The following JAZF1 variants were observed in gnomAD, a reference collection of about 807,000 sequenced individuals.
JAZF1 encodes JAZF zinc finger 1, also known as juxtaposed with another zinc finger protein 1.
In JAZF1, 8 loss-of-function variants were observed where a neutral mutation model predicts 26.4. That is an observed-to-expected ratio of 0.30 (90% CI 0.18 to 0.55). The LOEUF is 0.55. Among genes scored for constraint, JAZF1 ranks in the 20% least tolerant of loss-of-function variants. The pLI, the probability that JAZF1 is intolerant of heterozygous loss-of-function variation, is 0.94. For synonymous variants in JAZF1, 126 were observed against 122.3 expected, an observed-to-expected ratio of 1.03 and a Z score of -0.20; for missense variants, 199 against 322.0, an observed-to-expected ratio of 0.62 and a Z score of 2.92.
At chr7:28,148,361 G>A (rs567558412) in intron 1 of JAZF1, among the ~76,000 whole-genome samples, 59 of 152,226 alleles carry the variant, frequency 3.9e-4, no homozygotes, top group Non-Finnish European at 5.7e-4. Context: ...GTGAGCCACC[G>A]CGCCTGGCCC....
At chr7:28,113,056 C>T (rs881850) in intron 1 of JAZF1, among the ~76,000 whole-genome samples, 73,378 of 151,864 alleles carry the variant, frequency 0.48, 20,225 homozygotes, top group Non-Finnish European at 0.63. Flanking sequence ...GACATAATCT[C>T]GAAGGGGAAA....
At chr7:28,092,447 T>C (rs74927624) in intron 1 of JAZF1, among the ~76,000 whole-genome samples, 8,127 of 151,778 alleles carry the variant, frequency 0.054, 702 homozygotes, top group African/African-American at 0.18. Flanking sequence ...TGATGTTATA[T>C]TGCCTGTTCA....
At chr7:28,171,463 G>T (rs986766334) in intron 1 of JAZF1, among the ~76,000 whole-genome samples, 3 of 152,062 alleles carry the variant, frequency 2.0e-5, no homozygotes, top group South Asian at 2.1e-4. Context: ...CTGAAAACAC[G>T]TCTTGGGGAC....
intron 1 of JAZF1, among the ~76,000 whole-genome samples, chr7:28,097,646 G>A (rs1784406336): frequency 6.6e-6 from 1 of 152,196 alleles, no homozygotes; most frequent in Non-Finnish European, 1.5e-5. Flanking sequence ...GGGGCAAGAA[G>A]AAATCACAGC....
At chr7:28,175,135 C>A (rs1783529725) in intron 1 of JAZF1, among the ~76,000 whole-genome samples, 1 of 152,194 alleles carries the variant, frequency 6.6e-6, no homozygotes, top group Non-Finnish European at 1.5e-5. Flanking sequence ...AAGCCGCTGG[C>A]TTTGACACCA....
intron 2 of JAZF1, among the ~76,000 whole-genome samples, chr7:27,946,670 A>C (rs1370112188): frequency 6.6e-6 from 1 of 152,210 alleles, no homozygotes; most frequent in Non-Finnish European, 1.5e-5. Flanking sequence ...TAGTGACTGC[A>C]GAAGGACCAT....
At chr7:27,834,902 G>C (rs1583421459) in intron 4 of JAZF1, among the ~76,000 whole-genome samples, 1 of 152,216 alleles carries the variant, frequency 6.6e-6, no homozygotes. Context: ...CAGAAAGAGA[G>C]TGAATGTTAG....
chr7:28,170,391 G>C (rs7776523), intron 1 of JAZF1, among the ~76,000 whole-genome samples: 1 of 129,270 alleles, frequency 7.7e-6, no homozygotes, highest in Non-Finnish European at 1.6e-5. Context: ...GTGTGTGTGT[G>C]TGTATGTGTG....
At chr7:27,878,860 G>A (rs1252209912) in intron 3 of JAZF1, among the ~76,000 whole-genome samples, 4 of 152,148 alleles carry the variant, frequency 2.6e-5, no homozygotes, top group African/African-American at 9.7e-5. Context: ...TAGAATCCCT[G>A]TTCTTACCAG....
chr7:27,986,218 C>T (rs934462477), intron 2 of JAZF1, among the ~76,000 whole-genome samples: 3 of 152,166 alleles, frequency 2.0e-5, no homozygotes, highest in South Asian at 2.1e-4. Flanking sequence ...AAAACCCCAT[C>T]GTCTCAGCCC....
At chr7:27,974,084 C>T (rs149993609) in intron 2 of JAZF1, among the ~76,000 whole-genome samples, 3 of 152,090 alleles carry the variant, frequency 2.0e-5, no homozygotes, top group African/African-American at 7.2e-5. Context: ...TGCCATTAAA[C>T]ATAGTATGAA....
At chr7:28,058,110 G>A (rs1783741699) in intron 1 of JAZF1, among the ~76,000 whole-genome samples, 2 of 152,270 alleles carry the variant, frequency 1.3e-5, no homozygotes, top group South Asian at 4.1e-4. Context: ...GTGTGTGAGG[G>A]GCTGGGGAAG....
intron 1 of JAZF1, among the ~76,000 whole-genome samples, chr7:28,025,731 T>C (rs1301177076): frequency 2.0e-5 from 3 of 152,220 alleles, no homozygotes; most frequent in Non-Finnish European, 4.4e-5. Flanking sequence ...CTTGTCAATA[T>C]GGCCCTTGCA....
At chr7:27,955,912 C>T (rs1422745279) in intron 2 of JAZF1, among the ~76,000 whole-genome samples, 1 of 152,176 alleles carries the variant, frequency 6.6e-6, no homozygotes, top group Non-Finnish European at 1.5e-5. Flanking sequence ...GTACCTACGA[C>T]CTACAGCAGG....
In JAZF1 at chr7:28,174,876, A is replaced by G. The variant is rs1783527029; in HGVS notation, c.115+5587T>C. Reference sequence around the variant, plus strand: ...TGCACATGTATTTAAAACTCCTAGCATTACACCTGGGGGCTTCTCGGGAAC... The same window carrying G: ...TGCACATGTATTTAAAACTCCTAGCGTTACACCTGGGGGCTTCTCGGGAAC... On this transcript the variant is annotated intron_variant, in intron 1 of 4. Transcript: ENST00000283928. Among the ~76,000 whole-genome samples the G allele has an allele frequency of 1.7e-5, 2 of 118,544 alleles. 1 individual carries two copies. Among genetic ancestry groups the G allele is most frequent in the African/African-American group, 5.3e-5 (2 of 37,800 alleles). The allele number at this position is 118,544 out of a possible 152,430, so 77.8% of individuals were successfully genotyped here. A position where few individuals can be genotyped will look rare whatever the true frequency, so the allele number is the denominator to read the frequency against.
At chr7:28,142,132 A>AT (rs1217501841) in intron 1 of JAZF1, among the ~76,000 whole-genome samples, 5 of 152,192 alleles carry the variant, frequency 3.3e-5, no homozygotes, top group African/African-American at 1.2e-4. Flanking sequence ...ATGTTCAAGC[A>AT]TTTTTTCCCT....
chr7:28,051,467 C>T (rs1004261169), intron 1 of JAZF1, among the ~76,000 whole-genome samples: 6 of 152,112 alleles, frequency 3.9e-5, no homozygotes, highest in Non-Finnish European at 8.8e-5. Context: ...CCCACTCAGC[C>T]TCCCAAAGTG....
At chr7:27,904,985 G>A (rs1489366941) in intron 2 of JAZF1, among the ~76,000 whole-genome samples, 3 of 152,206 alleles carry the variant, frequency 2.0e-5, no homozygotes, top group African/African-American at 7.2e-5. Flanking sequence ...CCAGGCTGGG[G>A]TGCAGTGGTG....
intron 3 of JAZF1, among the ~76,000 whole-genome samples, chr7:27,888,060 C>T (rs181661688): frequency 5.3e-5 from 8 of 152,156 alleles, no homozygotes; most frequent in Admixed American, 1.3e-4. Context: ...AGAACACAGG[C>T]GGAGAATATA....
Sources: gnomAD v4.1 joint callset for allele counts (sites outside exome capture counted in the v4.1 genomes callset) on GRCh38, gnomAD v4.1.1 for gene constraint, MANE v1.5 for transcripts, NCBI Gene and HGNC (gene_info 2026-07-23, HGNC 2026-07-21) for gene names.